The following SCHIP1 variants were observed in gnomAD, a reference collection of about 807,000 sequenced individuals.
SCHIP1 encodes the protein schwannomin interacting protein 1.
In SCHIP1, 8 loss-of-function variants were observed where a neutral mutation model predicts 29.7. The observed-to-expected ratio is 0.27, with a 90% confidence interval of 0.16 to 0.49. The LOEUF is 0.49. Ranked by LOEUF, SCHIP1 falls within the 20% of genes least tolerant of loss-of-function variation. The probability of loss-of-function intolerance (pLI) is 0.99; values close to 1 mark genes in which losing one functional copy is unlikely to be tolerated. For synonymous variants in SCHIP1, 76 were observed against 94.9 expected, an observed-to-expected ratio of 0.80 and a Z score of 1.16; for missense variants, 193 against 294.6, an observed-to-expected ratio of 0.66 and a Z score of 2.52.
At chr3:159,318,408 T>C in the SCHIP1 span, among the ~76,000 whole-genome samples, 1 of 152,192 alleles carries the variant, frequency 6.6e-6, no homozygotes, top group African/African-American at 2.4e-5. Context: ...ATCACACATC[T>C]GGATATTTCT....
chr3:159,867,990 TAAA>T, intron 2 of SCHIP1, among the ~76,000 whole-genome samples: 1 of 143,936 alleles, frequency 6.9e-6, no homozygotes, highest in African/African-American at 2.7e-5. Flanking sequence ...TATATATATA[TAAA>T]TCAATGATTT....
At chr3:159,365,103 G>A in the SCHIP1 span, among the ~76,000 whole-genome samples, 3 of 152,148 alleles carry the variant, frequency 2.0e-5, no homozygotes, top group Middle Eastern at 3.2e-3. Flanking sequence ...TGCCTGGATC[G>A]TGCTGAATTC....
the SCHIP1 span, among the ~76,000 whole-genome samples, chr3:159,634,138 A>G: frequency 6.6e-6 from 1 of 152,192 alleles, no homozygotes; most frequent in Non-Finnish European, 1.5e-5. Flanking sequence ...GTAACAGAAA[A>G]TAAAGAGATT....
At chr3:159,455,654 G>T in the SCHIP1 span, among the ~76,000 whole-genome samples, 1 of 152,318 alleles carries the variant, frequency 6.6e-6, no homozygotes. Context: ...AAGCTGACAT[G>T]AAAATAATGA....
At chr3:159,356,040 C>A in the SCHIP1 span, among the ~76,000 whole-genome samples, 1 of 151,954 alleles carries the variant, frequency 6.6e-6, no homozygotes, top group South Asian at 2.1e-4. Context: ...TTCTAGATCC[C>A]TGAGGTATCA....
chr3:159,578,445 G>T, the SCHIP1 span, among the ~76,000 whole-genome samples: 1 of 152,136 alleles, frequency 6.6e-6, no homozygotes, highest in Non-Finnish European at 1.5e-5. Context: ...TGTGTTTAAT[G>T]TGACTAATAG....
the SCHIP1 span, among the ~76,000 whole-genome samples, chr3:159,385,866 C>T: frequency 6.6e-6 from 1 of 152,106 alleles, no homozygotes; most frequent in African/African-American, 2.4e-5. Flanking sequence ...CCCTGACAGG[C>T]CCCGGTGTGT....
chr3:159,768,984 T>C, the SCHIP1 span, among the ~76,000 whole-genome samples: 1 of 152,154 alleles, frequency 6.6e-6, no homozygotes, highest in Non-Finnish European at 1.5e-5. Flanking sequence ...TTGTATTCCG[T>C]CTTGTGCGTG....
chr3:159,715,743 G>A, the SCHIP1 span, among the ~76,000 whole-genome samples: 1 of 152,080 alleles, frequency 6.6e-6, no homozygotes, highest in African/African-American at 2.4e-5. Flanking sequence ...AAGAAATATG[G>A]GACTATGTGA....
At chr3:159,625,888 A>G in the SCHIP1 span, among the ~76,000 whole-genome samples, 2 of 151,982 alleles carry the variant, frequency 1.3e-5, no homozygotes, top group Non-Finnish European at 2.9e-5. Context: ...CTACATGTAG[A>G]GGACAGAGAA....
chr3:159,674,598 T>TAAAAAAAAAAAAA, the SCHIP1 span, among the ~76,000 whole-genome samples: 1 of 53,976 alleles, frequency 1.9e-5, no homozygotes, highest in Non-Finnish European at 3.6e-5. Flanking sequence ...GGGTCAGGAT[T>TAAAAAAAAAAAAA]AAAAAAAAAA....
At chr3:159,466,442 T>C in the SCHIP1 span, among the ~76,000 whole-genome samples, 4 of 152,126 alleles carry the variant, frequency 2.6e-5, no homozygotes, top group East Asian at 1.9e-4. Flanking sequence ...AAGGGGATAA[T>C]AGAATTGATT....
At chr3:159,742,039 G>A in the SCHIP1 span, among the ~76,000 whole-genome samples, 1,110 of 152,226 alleles carry the variant, frequency 7.3e-3, 14 homozygotes, top group Non-Finnish European at 0.011. Context: ...AGACCAGCTT[G>A]GCCAACATGG....
the SCHIP1 span, among the ~76,000 whole-genome samples, chr3:159,591,746 C>T: frequency 2.0e-5 from 3 of 151,760 alleles, no homozygotes; most frequent in East Asian, 1.9e-4. Context: ...GGGAGGGGAA[C>T]ATCACACACC....
chr3:159,316,136 G>T, the SCHIP1 span, among the ~76,000 whole-genome samples: 2 of 151,566 alleles, frequency 1.3e-5, no homozygotes, highest in Non-Finnish European at 2.9e-5. Flanking sequence ...TGGTTCTTTG[G>T]TTCAAATCCA....
At chr3:159,630,712 G>A in the SCHIP1 span, among the ~76,000 whole-genome samples, 1 of 151,946 alleles carries the variant, frequency 6.6e-6, no homozygotes, top group African/African-American at 2.4e-5. Flanking sequence ...TGGACTTTGG[G>A]GACTACAGGA....
At chr3:159,684,483 C>T in the SCHIP1 span, among the ~76,000 whole-genome samples, 1 of 151,992 alleles carries the variant, frequency 6.6e-6, no homozygotes, top group African/African-American at 2.4e-5. Context: ...GTCAGTCATA[C>T]CTCTATAAAT....
At chr3:159,397,230 T>C in the SCHIP1 span, among the ~76,000 whole-genome samples, 1 of 152,042 alleles carries the variant, frequency 6.6e-6, no homozygotes, top group Non-Finnish European at 1.5e-5. Context: ...TTCTAATTTT[T>C]TTTCAAAGTT....
At chr3:159,818,391 ACCT>A in the SCHIP1 span, among the ~76,000 whole-genome samples, 1 of 152,106 alleles carries the variant, frequency 6.6e-6, no homozygotes, top group Non-Finnish European at 1.5e-5. Flanking sequence ...TCACTTGGAA[ACCT>A]CCTGACATTT....
Sources: allele counts gnomAD v4.1 joint callset (sites outside exome capture counted in the v4.1 genomes callset), GRCh38; gene constraint gnomAD v4.1.1; transcripts MANE v1.5; gene names NCBI Gene and HGNC (gene_info 2026-07-23, HGNC 2026-07-21).